Variants in ZMIZ2 observed in about 807,000 individuals in gnomAD.
ZMIZ2 encodes the protein zinc finger MIZ-type containing 2, also known as zinc finger MIZ domain-containing protein 2.
Under a neutral mutation model 93.9 loss-of-function variants are expected in ZMIZ2, and 26 were observed. That is an observed-to-expected ratio of 0.28 (90% CI 0.20 to 0.38). ZMIZ2 has a LOEUF of 0.38. Ranked by LOEUF, ZMIZ2 falls within the 10% of genes least tolerant of loss-of-function variation. The pLI is 1.00. For synonymous variants in ZMIZ2, 485 were observed against 516.4 expected, an observed-to-expected ratio of 0.94 and a Z score of 0.82; for missense variants, 1,023 against 1,235.0, an observed-to-expected ratio of 0.83 and a Z score of 2.57.
chr7:44,756,376 G>T, intron 2 of ZMIZ2, 49 bp from the exon 3 acceptor site: 1 of 1,613,832 alleles, frequency 6.2e-7, no homozygotes, highest in Non-Finnish European at 8.5e-7. Flanking sequence ...TAGACTCTTG[G>T]ACACCAGTGG....
chr7:44,759,918 G>C (rs537888759), intron 7 of ZMIZ2: 60 of 564,926 alleles, frequency 1.1e-4, no homozygotes, highest in Non-Finnish European at 1.8e-4. Flanking sequence ...GGTGCAGCTT[G>C]GGGGAGGAGA....
intron 4 of ZMIZ2, 88 bp downstream of exon 4, chr7:44,757,237 T>A (rs1464353781): frequency 6.6e-7 from 1 of 1,506,726 alleles, no homozygotes; most frequent in African/African-American, 1.4e-5. Flanking sequence ...AGCTGGACGT[T>A]CCCTCTCTGC....
intron 1 of ZMIZ2, among the ~76,000 whole-genome samples, chr7:44,751,916 C>T (rs377364047): frequency 3.3e-5 from 5 of 151,204 alleles, no homozygotes; most frequent in Admixed American, 6.6e-5. Context: ...GAGCCTAGAT[C>T]GTGCCACTGC....
rs781112082 is a variant in ZMIZ2, at chr7:44,766,246, C to A, written c.2325C>A (p.Thr775=). The change falls in exon 17 of 19, where the codon ACC becomes ACA. Residue 775 remains threonine, a synonymous_variant. Transcript: ENST00000309315. The surrounding 1 kb of genome is among the most constrained non-coding windows in gnomAD (Gnocchi z 4.4). ...TPSTPTLAEF[T]PGPPPISYQS... ...GCACCCCAACCCTTGCTGAGTTCAC[C>A]CCGGGACCACCCCCCATCTCCTACC... The A allele has an allele frequency of 6.2e-7, 1 of 1,602,864 alleles. No homozygotes were observed. The highest frequency in any genetic ancestry group is 8.5e-7 in the Non-Finnish European group (1 of 1,174,130).
rs1185918029 is a variant in ZMIZ2 at position 44,759,366 on chromosome 7, C to T, written c.899C>T (p.Ala300Val). 1.2e-6 allele frequency: 2 copies of T among 1,605,300 alleles called. No homozygotes were observed. The highest frequency in any genetic ancestry group is 2.2e-5 in the South Asian group (2 of 89,846). Residue 300 changes from alanine to valine, a missense_variant, in exon 7 of 19, where the codon GCC becomes GTC. Physicochemically the swap from Ala to Val is moderately conservative, Grantham distance 64. This residue lies in a region of ZMIZ2 where 656 missense variants were observed against 777.1 expected (regional missense o/e 0.84). Transcript: ENST00000309315. ...QFAPSPGQPP[A>V]PSPSYPGHRL... ...GCGCCCAGCCCTGGGCAGCCCCCTG[C>T]CCCCTCCCCTTCCTACCCTGGGCAC...
At position 44,763,075 on chromosome 7, in the gene ZMIZ2, G is replaced by A. The variant is rs774246286; in HGVS notation, c.1702+89G>A. 183 of 1,464,556 alleles carry A rather than the reference G, an allele frequency of 1.2e-4. 1 individual carries two copies. The highest frequency in any genetic ancestry group is 3.7e-5 in the Admixed American group (2 of 53,956). The allele number at this position is 1,464,556 out of a possible 1,614,324, so 90.7% of individuals were successfully genotyped here. A position where few individuals can be genotyped will look rare whatever the true frequency, so the allele number is the denominator to read the frequency against. ...CAATCCTCCTTGTGGGCACCTCCTC[G>A]TGTCACACCAGGCCTTCTCCTTGGA... is the stretch of plus-strand genomic sequence containing the variant. On this transcript the variant is annotated intron_variant, in intron 12 of 18. Coordinates refer to ENST00000309315, the MANE Select transcript of ZMIZ2 (RefSeq NM_031449.4). This position sits in a 1 kb window ranked among gnomAD's most constrained non-coding sequence, Gnocchi z 5.6.
rs764263867 is a variant in ZMIZ2, at chr7:44,766,306, G to A, written c.2385G>A (p.Glu795=). 8.6e-5 allele frequency: 137 copies of A among 1,595,472 alleles called. No individual in the cohort carries two copies. Among genetic ancestry groups the A allele is most frequent in the Non-Finnish European group, 1.1e-4 (134 of 1,171,694 alleles). The stretch of plus-strand genomic sequence containing the variant: ...TTCCCAGCAGCCTCCTGACTTCAGA[G>A]AAGTCTACCGCCTGCCTCCCAAGCC... ...SDIPSSLLTS[E]KSTACLPSQM... The change falls in exon 17 of 19, where the codon GAG becomes GAA. Residue 795 remains glutamate (E), a synonymous_variant. Coordinates refer to ENST00000309315, the MANE Select transcript of ZMIZ2 (RefSeq NM_031449.4). The surrounding 1 kb of genome is among the most constrained non-coding windows in gnomAD (Gnocchi z 4.4).
rs1348712640 is a variant in ZMIZ2, at chr7:44,769,234, G to A, written c.*1611G>A. On this transcript the variant is annotated 3_prime_UTR_variant, in exon 19 of 19. Transcript: ENST00000309315. ...CCAGCCAGCAGGAGAGGCAAGAACT[G>A]GGGGAACACAGGAACCTAGGGGAGG... 1 of 152,764 alleles carries A rather than the reference G, an allele frequency of 6.5e-6. No individual in the cohort carries two copies. The highest frequency in any genetic ancestry group is 2.4e-5 in the African/African-American group (1 of 41,464). The allele number at this position is 152,764 out of a possible 1,614,324, so 9.5% of individuals were successfully genotyped here.
chr7:44,761,173 T>C lies in ZMIZ2; in HGVS notation c.1241-276T>C, dbSNP rs1368393070. ...ACCTTTTGTCTGGGCTGGGGACATG[T>C]TCCCCTATTATGGTTTAGGGGACAC... is the stretch of plus-strand genomic sequence containing the variant. On this transcript the variant is annotated intron_variant, in intron 9 of 18. Transcript: ENST00000309315. The surrounding 1 kb of genome is among the most constrained non-coding windows in gnomAD (Gnocchi z 5.8). Among the ~76,000 whole-genome samples, 4 of 152,218 alleles carry C rather than the reference T, an allele frequency of 2.6e-5. No individual in the cohort carries two copies. Among genetic ancestry groups the C allele is most frequent in the Non-Finnish European group, 1.5e-5 (1 of 68,016 alleles).
chr7:44,761,613 C>G lies in ZMIZ2; in HGVS notation c.1385+20C>G. ...AATGAGGTGAGCTCCGCCTGGCCCCCACCTGACCCCCACGAGGCTCTGTTC... is the reference window on the plus strand; with the variant it reads ...AATGAGGTGAGCTCCGCCTGGCCCCGACCTGACCCCCACGAGGCTCTGTTC... On this transcript the variant is annotated intron_variant, in intron 10 of 18. Transcript: ENST00000309315. The surrounding 1 kb of genome is among the most constrained non-coding windows in gnomAD (Gnocchi z 5.8). 1 of 1,613,714 alleles carries G rather than the reference C, an allele frequency of 6.2e-7. No homozygotes were observed. Among genetic ancestry groups the G allele is most frequent in the Non-Finnish European group, 8.5e-7 (1 of 1,179,812 alleles).
Position 44,756,257 on chromosome 7 carries a change from C to A in ZMIZ2, c.8C>A (p.Ser3Tyr). The change falls in exon 2 of 19, where the codon TCC (serine) becomes TAC (tyrosine). Residue 3 changes from serine (S) to tyrosine (Y), a missense_variant. Transcript: ENST00000309315. The part of the protein sequence containing the change: MN[S>Y]MNPMKPALPP... ...TAGGCTGCTCCATTGCCAATGAACT[C>A]CATGAACCCCATGAAACCTGCCCTG... is the stretch of plus-strand genomic sequence containing the variant. The A allele has an allele frequency of 6.2e-7, 1 of 1,614,042 alleles. No individual in the cohort carries two copies. Among genetic ancestry groups the A allele is most frequent in the Non-Finnish European group, 8.5e-7 (1 of 1,180,004 alleles).
chr7:44,752,819 G>C (rs1458949846), intron 1 of ZMIZ2, among the ~76,000 whole-genome samples: 1 of 152,186 alleles, frequency 6.6e-6, no homozygotes, highest in East Asian at 1.9e-4. Flanking sequence ...ATAAACATTT[G>C]TGTACAGGTT....
intron 4 of ZMIZ2, 48 bp from the exon 5 acceptor site, chr7:44,757,330 C>T: frequency 6.3e-7 from 1 of 1,582,098 alleles, no homozygotes; most frequent in Non-Finnish European, 8.5e-7. Flanking sequence ...ACAGTCCTGG[C>T]CCTCATGAGC....
intron 14 of ZMIZ2, 149 bp downstream of exon 14, chr7:44,764,635 C>A: frequency 2.2e-6 from 2 of 897,906 alleles, no homozygotes; most frequent in Non-Finnish European, 3.4e-6. Flanking sequence ...GCGCAGAGAG[C>A]TCGTATAGGG....
At chr7:44,767,085 CTCATTCTAGAAGTTCAACATGAAAA>C (rs1184424185) in intron 18 of ZMIZ2, among the ~76,000 whole-genome samples, 13 of 152,146 alleles carry the variant, frequency 8.5e-5, no homozygotes, top group African/African-American at 2.7e-4. Context: ...CAACATGAAA[CTCATTCTAGAAGTTCAACATGAAAA>C]AGTTAGGAAG....
At position 44,769,375 on chromosome 7, in the gene ZMIZ2, C is replaced by T. The variant is rs1234119991; in HGVS notation, c.*1752C>T. ...GCAGGGAGGAGGAGGAGGGAGGTAT[C>T]TGGTGTGAGCGTTGCCCCTGCGACA... On this transcript the variant is annotated 3_prime_UTR_variant, in exon 19 of 19. Coordinates refer to ENST00000309315, the MANE Select transcript of ZMIZ2 (RefSeq NM_031449.4). 6.5e-6 allele frequency: 1 copy of T among 152,808 alleles called. No individual in the cohort carries two copies. Among genetic ancestry groups the T allele is most frequent in the African/African-American group, 2.4e-5 (1 of 41,458 alleles). 9.5% of individuals were successfully genotyped at this position (152,808 alleles called of 1,614,324 possible).
intron 11 of ZMIZ2, among the ~76,000 whole-genome samples, chr7:44,762,564 G>A (rs150441454): frequency 0.012 from 1,823 of 152,316 alleles, 19 homozygotes; most frequent in Middle Eastern, 0.031. Flanking sequence ...CAGGGGGAAC[G>A]TTCAAGGGGA....
In ZMIZ2 at chr7:44,764,501, C is replaced by T. The variant is rs1312755312; in HGVS notation, c.1928+15C>T. ...CCTGTGTGCAAGTGAGTCTCAGATG[C>T]AGCGTGTGATGGAGGAGGGGCTGGT... is the stretch of plus-strand genomic sequence containing the variant. On this transcript the variant is annotated intron_variant, in intron 14 of 18. Coordinates refer to ENST00000309315, the MANE Select transcript of ZMIZ2 (RefSeq NM_031449.4). 6.2e-7 allele frequency: 1 copy of T among 1,613,776 alleles called. No individual in the cohort carries two copies. Among genetic ancestry groups the T allele is most frequent in the African/African-American group, 1.3e-5 (1 of 75,020 alleles).
Position 44,763,417 on chromosome 7 carries a change from G to C in ZMIZ2, c.1860+4G>C. 6.2e-7 allele frequency: 1 copy of C among 1,613,876 alleles called. No individual in the cohort carries two copies. Among genetic ancestry groups the C allele is most frequent in the Non-Finnish European group, 8.5e-7 (1 of 1,179,926 alleles). On this transcript the variant is annotated splice_donor_region_variant and intron_variant, in intron 13 of 18. Coordinates refer to ENST00000309315, the MANE Select transcript of ZMIZ2 (RefSeq NM_031449.4). The surrounding 1 kb of genome is among the most constrained non-coding windows in gnomAD (Gnocchi z 5.6). ...TCATGACTGTCGCCACATACAGGTA[G>C]GTGGTTACTGCAGAGTCTTGCCGGA...
Sources: gnomAD v4.1 joint callset for allele counts (sites outside exome capture counted in the v4.1 genomes callset) on GRCh38, gnomAD v4.1.1 for gene constraint, gnomAD v4.1.1 regional missense constraint, Gnocchi (gnomAD v3.1) non-coding constraint, MANE v1.5 for transcripts, NCBI Gene and HGNC (gene_info 2026-07-23, HGNC 2026-07-21) for gene names.